PKHD1: variants seen among roughly 807,000 people sequenced by gnomAD.
PKHD1 encodes the protein PKHD1 ciliary IPT domain containing fibrocystin/polyductin.
PKHD1 carries 291 observed loss-of-function variants against 412.0 expected under a neutral mutation model. The observed-to-expected ratio is 0.71, with a 90% CI of 0.64 to 0.78. The LOEUF (loss-of-function observed/expected upper bound fraction) is 0.78, where lower values mean the gene tolerates loss of function less well. Among genes scored for constraint, PKHD1 ranks in the 30% least tolerant of loss-of-function variants. The pLI is 0.00. For missense variants in PKHD1, 4,825 were observed against 4,950.7 expected (o/e 0.97, Z 0.76); for synonymous variants, 1,777 against 1,821.5 (o/e 0.98, Z 0.62).
chr6:51,894,486 T>C (rs1779588196), intron 43 of PKHD1, among the ~76,000 whole-genome samples: 1 of 152,224 alleles, frequency 6.6e-6, no homozygotes, highest in African/African-American at 2.4e-5. Context: ...ACTTGCATCA[T>C]GCCAGGTTGA....
chr6:51,646,689 C>A (rs1770125838), intron 63 of PKHD1, among the ~76,000 whole-genome samples: 1 of 152,166 alleles, frequency 6.6e-6, no homozygotes, highest in African/African-American at 2.4e-5. Context: ...AATATCCACC[C>A]AATATAACAA....
intron 37 of PKHD1, among the ~76,000 whole-genome samples, chr6:51,921,021 C>T (rs4443512): frequency 0.38 from 58,035 of 151,830 alleles, 11,862 homozygotes; most frequent in East Asian, 0.76. Context: ...CTTTTCTTCT[C>T]TATTAGTCTT....
In PKHD1 at chr6:51,786,170, T is replaced by C. The variant is rs377162011; in HGVS notation, c.8440+5066A>G. 5.3e-5 allele frequency among the ~76,000 whole-genome samples: 8 copies of C among 152,256 alleles called. No homozygotes were observed. In the East Asian group the frequency reaches 1.2e-3, roughly 22 times the overall value. On this transcript the variant is annotated intron_variant, in intron 53 of 66. Coordinates refer to ENST00000371117, the MANE Select transcript of PKHD1 (RefSeq NM_138694.4). ...AATGAGGGATGGAAAGGGCACTCATTCCTGGCATCCCCATTGGCCCAGATC... is the reference window on the plus strand; with the variant it reads ...AATGAGGGATGGAAAGGGCACTCATCCCTGGCATCCCCATTGGCCCAGATC...
At chr6:51,623,421 C>G (rs1190073490) in intron 66 of PKHD1, among the ~76,000 whole-genome samples, 1 of 151,676 alleles carries the variant, frequency 6.6e-6, no homozygotes, top group Non-Finnish European at 1.5e-5. Flanking sequence ...TACCATTGAC[C>G]TATACAATTT....
intron 60 of PKHD1, among the ~76,000 whole-genome samples, chr6:51,663,837 A>G (rs1159038211): frequency 6.6e-6 from 1 of 152,190 alleles, no homozygotes; most frequent in African/African-American, 2.4e-5. Flanking sequence ...TTTCACATGT[A>G]TCCATAAGAT....
intron 60 of PKHD1, among the ~76,000 whole-genome samples, chr6:51,717,919 T>C (rs1781469917): frequency 6.6e-6 from 1 of 152,224 alleles, no homozygotes; most frequent in African/African-American, 2.4e-5. Context: ...CAAGAAGACC[T>C]TGTTTTGCCT....
intron 37 of PKHD1, among the ~76,000 whole-genome samples, chr6:51,914,170 C>T (rs1443094899): frequency 6.6e-6 from 1 of 152,092 alleles, no homozygotes; most frequent in African/African-American, 2.4e-5. Context: ...AACATGCAAG[C>T]TACGCATGGC....
chr6:51,722,100 T>G, intron 60 of PKHD1: 1 of 1,609,916 alleles, frequency 6.2e-7, no homozygotes, highest in South Asian at 1.1e-5. Context: ...CTTCTCGGCA[T>G]GCTTTCCACA....
chr6:52,075,710 C>T (rs551186124), intron 6 of PKHD1, among the ~76,000 whole-genome samples: 1 of 152,180 alleles, frequency 6.6e-6, no homozygotes, highest in Non-Finnish European at 1.5e-5. Context: ...CAATGCTGCT[C>T]AAAATATGAC....
At position 51,836,446 on chromosome 6, in the gene PKHD1, C is replaced by T; in HGVS notation, c.8131G>A (p.Val2711Ile). The stretch of plus-strand genomic sequence containing the variant: ...ATACCTTCCTTCACCCGGAGAATGA[C>T]TTGAACTTGGCCTTCACCTGAAACT... Reference protein sequence around the residue: ...YLVSGEGQVQVILRVKEGMPP... With the variant: ...YLVSGEGQVQIILRVKEGMPP... The change falls in exon 51 of 67, where the codon GTC becomes ATC. Residue 2711 changes from valine to isoleucine, a missense_variant. Transcript: ENST00000371117. 6.2e-7 allele frequency: 1 copy of T among 1,613,326 alleles called. No individual in the cohort carries two copies. The highest frequency in any genetic ancestry group is 8.5e-7 in the Non-Finnish European group (1 of 1,179,292).
In PKHD1 at chr6:51,753,293, A is replaced by G. The variant is rs1280633724; in HGVS notation, c.8858T>C (p.Leu2953Ser). The change falls in exon 57 of 67, where the codon TTG becomes TCG. Residue 2953 changes from leucine to serine, a missense_variant. Leu to Ser is a moderately radical substitution (Grantham distance 145). Coordinates refer to ENST00000371117, the MANE Select transcript of PKHD1 (RefSeq NM_138694.4). ...HIRLAAEVGL[L>S]TRNIQIQPDV... ...AGGCTGAATTTGTATATTTCGGGTC[A>G]ACAGTCCAACCTCAGCAGCCAAACG... 1 of 1,613,820 alleles carries G rather than the reference A, an allele frequency of 6.2e-7. No individual in the cohort carries two copies. The highest frequency in any genetic ancestry group is 1.1e-5 in the South Asian group (1 of 91,076).
chr6:51,693,287 C>T (rs1299078373), intron 60 of PKHD1, among the ~76,000 whole-genome samples: 1 of 152,184 alleles, frequency 6.6e-6, no homozygotes, highest in East Asian at 1.9e-4. Context: ...TCCCATTGGC[C>T]CTCCATGCCT....
chr6:51,931,390 C>A (rs1204222625), intron 37 of PKHD1, among the ~76,000 whole-genome samples: 2 of 152,138 alleles, frequency 1.3e-5, no homozygotes, highest in Non-Finnish European at 2.9e-5. Flanking sequence ...AGAAAATTAG[C>A]TTTTTCCTAA....
intron 52 of PKHD1, among the ~76,000 whole-genome samples, chr6:51,829,579 C>T (rs1246621476): frequency 6.6e-6 from 1 of 152,028 alleles, no homozygotes; most frequent in Non-Finnish European, 1.5e-5. Flanking sequence ...AAGTTACATC[C>T]TCCATCAAAG....
chr6:51,656,736 T>C (rs1398113613), intron 61 of PKHD1, among the ~76,000 whole-genome samples: 1 of 151,292 alleles, frequency 6.6e-6, no homozygotes, highest in Non-Finnish European at 1.5e-5. Flanking sequence ...TCTCAGCTCA[T>C]TGCAACCTCT....
At chr6:51,917,411 G>A (rs1783997866) in intron 37 of PKHD1, among the ~76,000 whole-genome samples, 1 of 151,998 alleles carries the variant, frequency 6.6e-6, no homozygotes. Flanking sequence ...TCACGCACTA[G>A]GAAGACAAAC....
chr6:52,046,210 C>G, intron 23 of PKHD1, 22 bp from the exon 24 acceptor site: 1 of 1,542,628 alleles, frequency 6.5e-7, no homozygotes, highest in Non-Finnish European at 9.0e-7. Flanking sequence ...GGTTTTGATA[C>G]AGAAAACACA....
intron 42 of PKHD1, 105 bp from the exon 43 acceptor site, chr6:51,903,832 CATATATATATATATAT>C (rs66966800): frequency 2.3e-6 from 1 of 433,598 alleles, no homozygotes; most frequent in African/African-American, 2.6e-5. Flanking sequence ...TAATGCATTT[CATATATATATATATAT>C]ATATATATAT....
At chr6:51,776,014 G>C in intron 53 of PKHD1, 93 bp from the exon 54 acceptor site, 1 of 710,282 alleles carries the variant, frequency 1.4e-6, no homozygotes, top group Non-Finnish European at 2.6e-6. Flanking sequence ...ATGCAATGTA[G>C]ATACTGTGAA....
Sources: gnomAD v4.1 joint callset for allele counts (sites outside exome capture counted in the v4.1 genomes callset) on GRCh38, gnomAD v4.1.1 for gene constraint, MANE v1.5 for transcripts, NCBI Gene and HGNC (gene_info 2026-07-23, HGNC 2026-07-21) for gene names.